RBM11: variants seen among roughly 807,000 people sequenced by gnomAD.
The protein encoded by RBM11 is RNA binding motif protein 11, also known as splicing regulator RBM11.
In RBM11, 18 loss-of-function variants were observed where a neutral mutation model predicts 21.4. The observed-to-expected ratio is 0.84, with a 90% CI of 0.58 to 1.25. The LOEUF is 1.25. RBM11 is among the 50% of genes most tolerant of loss of function. The pLI, the probability that RBM11 is intolerant of heterozygous loss-of-function variation, is 0.00. For missense variants in RBM11, 294 were observed against 331.9 expected (o/e 0.89, Z 0.89); for synonymous variants, 120 against 116.3 (o/e 1.03, Z -0.20).
In RBM11 at chr21:14,219,906, A is replaced by C. The variant is rs1221990372; in HGVS notation, c.259+181A>C. 9.9e-5 allele frequency among the ~76,000 whole-genome samples: 15 copies of C among 152,212 alleles called. No homozygotes were observed. The East Asian group carries it at 1.9e-3, about 19-fold the overall frequency. On this transcript the variant is annotated intron_variant, in intron 2 of 4. Transcript: ENST00000400577. ...AATTCATAATGTTATATAGTTAATT[A>C]GTCTTGACAAACCTATAGCATCTTT...
rs754410372 is a variant in RBM11 at position 14,227,198 on chromosome 21, A to C, written c.751A>C (p.Lys251Gln). The change falls in exon 5 of 5, where the codon AAG (lysine) becomes CAG (glutamine). Residue 251 changes from lysine (K) to glutamine (Q), a missense_variant. Transcript: ENST00000400577. ...LYQMNKRKRQKQTSDSDSSTD... is the reference protein window; with the variant it reads ...LYQMNKRKRQQQTSDSDSSTD... Reference sequence around the variant, plus strand: ...TCAGATGAATAAACGAAAGAGACAAAAGCAAACAAGTGATAGTGATAGTAG... The same window carrying C: ...TCAGATGAATAAACGAAAGAGACAACAGCAAACAAGTGATAGTGATAGTAG... 4.3e-6 allele frequency: 7 copies of C among 1,613,946 alleles called. No individual in the cohort carries two copies. The highest frequency in any genetic ancestry group is 1.3e-5 in the African/African-American group (1 of 74,946).
intron 1 of RBM11, among the ~76,000 whole-genome samples, chr21:14,216,523 C>A (rs1035782275): frequency 5.3e-5 from 8 of 152,144 alleles, no homozygotes; most frequent in African/African-American, 1.9e-4. Context: ...GTTCCTTCAA[C>A]CCCCGTTTCT....
intron 4 of RBM11, 110 bp downstream of exon 4, chr21:14,224,647 A>G: frequency 2.1e-6 from 3 of 1,405,030 alleles, no homozygotes; most frequent in Non-Finnish European, 2.8e-6. Flanking sequence ...TGAAGGCACA[A>G]GATGTCCCAG....
intron 4 of RBM11, among the ~76,000 whole-genome samples, chr21:14,226,646 CTA>C (rs1444323293): frequency 1.3e-5 from 2 of 149,390 alleles, no homozygotes; most frequent in Non-Finnish European, 3.0e-5. Flanking sequence ...CAAACAAAAA[CTA>C]TTTCCATTGG....
intron 1 of RBM11, among the ~76,000 whole-genome samples, chr21:14,216,977 G>A (rs1477544536): frequency 6.6e-6 from 1 of 152,136 alleles, no homozygotes; most frequent in East Asian, 1.9e-4. Flanking sequence ...GTAATGATCC[G>A]GAATTACGGG....
rs1159515859 is a variant in RBM11, at chr21:14,219,661, T to C, written c.195T>C (p.Tyr65=). 4 of 1,608,718 alleles carry C rather than the reference T, an allele frequency of 2.5e-6. No homozygotes were observed. The highest frequency in any genetic ancestry group is 2.6e-6 in the Non-Finnish European group (3 of 1,176,464). The change falls in exon 2 of 5, where the codon TAT becomes TAC. Residue 65 remains tyrosine (Y), a synonymous_variant. Coordinates refer to ENST00000400577, the MANE Select transcript of RBM11 (RefSeq NM_144770.5). The part of the protein sequence containing the change: ...VCFKHPESVS[Y]AIALLNGIRL... The stretch of plus-strand genomic sequence containing the variant: ...TTAAACACCCAGAATCGGTGTCTTA[T>C]GCCATAGCTTTGCTGAATGGAATTC...
chr21:14,226,416 C>G (rs747375941), intron 4 of RBM11, among the ~76,000 whole-genome samples: 29 of 151,808 alleles, frequency 1.9e-4, no homozygotes, highest in Non-Finnish European at 8.8e-5. Context: ...GTCAGGAGAT[C>G]GAGACCAGCC....
At chr21:14,219,268 G>A (rs1376276295) in intron 1 of RBM11, among the ~76,000 whole-genome samples, 1 of 152,042 alleles carries the variant, frequency 6.6e-6, no homozygotes, top group Admixed American at 6.5e-5. Context: ...AGATTTATAT[G>A]TTTTCTAAAT....
chr21:14,224,453 G>T lies in RBM11; in HGVS notation c.348G>T (p.Leu116Phe). ...CTCCTCAAAGGAATGAAGAAATGTT[G>T]GTGGGCAGATCTTCCTTTCCCATGC... ...NSHNYRNEEMLVGRSSFPMQY... is the reference protein window; with the variant it reads ...NSHNYRNEEMFVGRSSFPMQY... Residue 116 changes from leucine to phenylalanine, a missense_variant, in exon 4 of 5, where the codon TTG becomes TTT. By Grantham distance (22) the Leu-to-Phe change is conservative. This residue lies in a region of RBM11 where 181 missense variants were observed against 164.6 expected (regional missense o/e 1.10). Coordinates refer to ENST00000400577, the MANE Select transcript of RBM11 (RefSeq NM_144770.5). The T allele has an allele frequency of 6.4e-7, 1 of 1,559,498 alleles. No homozygotes were observed. Among genetic ancestry groups the T allele is most frequent in the Non-Finnish European group, 8.7e-7 (1 of 1,150,528 alleles).
chr21:14,226,700 A>G (rs1374192161), intron 4 of RBM11, among the ~76,000 whole-genome samples, 180 bp from the exon 5 acceptor site: 1 of 151,864 alleles, frequency 6.6e-6, no homozygotes, highest in Admixed American at 6.6e-5. Flanking sequence ...CACAGCCTCA[A>G]CTCTTTATAT....
Position 14,216,219 on chromosome 21 carries a change from C to T in RBM11, c.33C>T (p.Thr11=). 1.2e-6 allele frequency: 2 copies of T among 1,613,806 alleles called. No homozygotes were observed. Among genetic ancestry groups the T allele is most frequent in the Non-Finnish European group, 8.5e-7 (1 of 1,179,816 alleles). The change falls in exon 1 of 5, where the codon ACC becomes ACT. Residue 11 remains threonine (T), a synonymous_variant. Transcript: ENST00000400577. The part of the protein sequence containing the change: MFPAQEEADR[T]VFVGNLEARV... Reference sequence around the variant, plus strand: ...CTGCTCAGGAGGAGGCCGACAGGACCGTGTTTGTTGGGAATTTAGAGGCCC... The same window carrying T: ...CTGCTCAGGAGGAGGCCGACAGGACTGTGTTTGTTGGGAATTTAGAGGCCC...
chr21:14,226,593 A>G (rs1468948707), intron 4 of RBM11, among the ~76,000 whole-genome samples: 1 of 149,182 alleles, frequency 6.7e-6, no homozygotes, highest in Non-Finnish European at 1.5e-5. Flanking sequence ...GCACTCCAGC[A>G]TGGGCAACAA....
Position 14,227,280 on chromosome 21 carries a change from A to G in RBM11, c.833A>G (p.Lys278Arg). ...CSQKFRKSKK[K>R]KRY ...CAAAAGTTCCGAAAGTCTAAGAAGA[A>G]GAAAAGATACTAGTATTACCTACAA... Residue 278 changes from lysine (K) to arginine (R), a missense_variant, in exon 5 of 5, where the codon AAG (lysine) becomes AGG (arginine). This residue lies in a region of RBM11 where 113 missense variants were observed against 167.3 expected (regional missense o/e 0.68). Transcript: ENST00000400577. 1.2e-6 allele frequency: 2 copies of G among 1,610,406 alleles called. No homozygotes were observed. The highest frequency in any genetic ancestry group is 1.7e-6 in the Non-Finnish European group (2 of 1,178,548).
chr21:14,216,260 T>C lies in RBM11; in HGVS notation c.74T>C (p.Ile25Thr). The C allele has an allele frequency of 1.2e-6, 2 of 1,613,706 alleles. No homozygotes were observed. The highest frequency in any genetic ancestry group is 2.2e-5 in the East Asian group (1 of 44,866). ...GNLEARVREE[I>T]LYELFLQAGP... Reference sequence around the variant, plus strand: ...TTAGAGGCCCGAGTTCGGGAAGAGATTCTGTACGAGCTGTTCCTTCAGGTA... The same window carrying C: ...TTAGAGGCCCGAGTTCGGGAAGAGACTCTGTACGAGCTGTTCCTTCAGGTA... The change falls in exon 1 of 5, where the codon ATT becomes ACT. Residue 25 changes from isoleucine to threonine, a missense_variant. Physicochemically the swap from Ile to Thr is moderately conservative, Grantham distance 89 (BLOSUM62 -1). Around this residue, in one of 2 missense-constraint regions of RBM11, gnomAD observed 181 missense variants for 164.6 expected, o/e 1.10. Transcript: ENST00000400577.
rs371949594 is a variant in RBM11 at position 14,226,891 on chromosome 21, G to A, written c.444G>A (p.Val148=). The part of the protein sequence containing the change: ...YFLFQKMQWH[V]YNPVLQLPYY... ...TCTTGTTTTCACAGCAGTGGCATGT[G>A]TATAATCCAGTGCTGCAGCTTCCTT... The change falls in exon 5 of 5, where the codon GTG becomes GTA. Residue 148 remains valine, a synonymous_variant. Coordinates refer to ENST00000400577, the MANE Select transcript of RBM11 (RefSeq NM_144770.5). 4 of 1,612,096 alleles carry A rather than the reference G, an allele frequency of 2.5e-6. No individual in the cohort carries two copies. The highest frequency in any genetic ancestry group is 2.7e-5 in the African/African-American group (2 of 74,908).
rs1365869542 is a variant in RBM11, at chr21:14,227,993, T to A, written c.*700T>A. 1.3e-5 allele frequency: 2 copies of A among 152,222 alleles called. No individual in the cohort carries two copies. Among genetic ancestry groups the A allele is most frequent in the Non-Finnish European group, 2.9e-5 (2 of 68,038 alleles). The allele number at this position is 152,222 out of a possible 1,614,324, so 9.4% of individuals were successfully genotyped here. A position where few individuals can be genotyped will look rare whatever the true frequency, so the allele number is the denominator to read the frequency against. On this transcript the variant is annotated 3_prime_UTR_variant, in exon 5 of 5. Transcript: ENST00000400577. ...TTAAAATCAGTTGGCTATGTCAGTG[T>A]GTATTATTCACCTCTTTTGCTAGCA...
chr21:14,222,113 G>A (rs1208105509), intron 3 of RBM11, among the ~76,000 whole-genome samples: 1 of 151,856 alleles, frequency 6.6e-6, no homozygotes, highest in Non-Finnish European at 1.5e-5. Flanking sequence ...TTTTTTTAAT[G>A]TTTGGCTTCA....
chr21:14,225,732 G>T (rs1023501912), intron 4 of RBM11, among the ~76,000 whole-genome samples: 3 of 151,930 alleles, frequency 2.0e-5, no homozygotes, highest in African/African-American at 7.2e-5. Context: ...AACTATAAAT[G>T]TCTTCATCGA....
intron 1 of RBM11, among the ~76,000 whole-genome samples, chr21:14,217,584 T>TCAA (rs1342846598): frequency 1.3e-5 from 2 of 152,182 alleles, no homozygotes; most frequent in African/African-American, 4.8e-5. Context: ...AAAACTTTTT[T>TCAA]ATTATTTGAA....
Sources: gnomAD v4.1 joint callset for allele counts (sites outside exome capture counted in the v4.1 genomes callset) on GRCh38, gnomAD v4.1.1 for gene constraint, gnomAD v4.1.1 regional missense constraint, MANE v1.5 for transcripts, NCBI Gene and HGNC (gene_info 2026-07-23, HGNC 2026-07-21) for gene names.